KAZN: variants seen among roughly 807,000 people sequenced by gnomAD.
KAZN encodes the protein kazrin, periplakin interacting protein, also known as kazrin.
Under a neutral mutation model 87.4 loss-of-function variants are expected in KAZN, and 40 were observed. That is an observed-to-expected ratio of 0.46 (90% CI 0.36 to 0.60). The LOEUF (loss-of-function observed/expected upper bound fraction) is 0.60, where lower values mean the gene tolerates loss of function less well. KAZN is among the 20% of genes least tolerant of loss of function. The pLI is 0.00. For synonymous variants in KAZN, 466 were observed against 458.3 expected, an observed-to-expected ratio of 1.02 and a Z score of -0.22; for missense variants, 898 against 1,073.9, an observed-to-expected ratio of 0.84 and a Z score of 2.29.
At chr1:15,022,747 C>T (rs893373523) in intron 2 of KAZN, among the ~76,000 whole-genome samples, 1 of 152,240 alleles carries the variant, frequency 6.6e-6, no homozygotes, top group Non-Finnish European at 1.5e-5. Flanking sequence ...GGGCCACATT[C>T]GGTCAGTCAC....
At chr1:15,087,375 G>T (rs890972488) in intron 8 of KAZN, among the ~76,000 whole-genome samples, 16 of 148,208 alleles carry the variant, frequency 1.1e-4, no homozygotes, top group Non-Finnish European at 1.8e-4. Context: ...TCCAGTATGT[G>T]TTTTATGCTT....
chr1:14,514,595 TTATATATATATATA>T lies in KAZN; in HGVS notation c.250-84356_250-84343del, dbSNP rs754845099. On this transcript the variant is annotated intron_variant, in intron 2 of 16. Coordinates refer to the KAZN transcript ENST00000636203. ...TATATTTTATATATTTTTTTATATT[TTATATATATATATA>T]TATATATATATATATATATATATAT... Among the ~76,000 whole-genome samples, 261 of 66,520 alleles carry T rather than the reference TTATATATATATATA, an allele frequency of 3.9e-3. 10 individuals are homozygous for T. Among genetic ancestry groups the T allele is most frequent in the African/African-American group, 0.016 (226 of 13,800 alleles). 43.6% of individuals were successfully genotyped at this position (66,520 alleles called of 152,430 possible). A position where few individuals can be genotyped will look rare whatever the true frequency, so the allele number is the denominator to read the frequency against.
chr1:14,283,806 A>G (rs915664137), intron 2 of KAZN, among the ~76,000 whole-genome samples: 1 of 152,206 alleles, frequency 6.6e-6, no homozygotes. Flanking sequence ...CTGTATAAAA[A>G]TGTTTATAGC....
At chr1:14,112,371 C>T (rs779476133) in intron 1 of KAZN, among the ~76,000 whole-genome samples, 1 of 80,142 alleles carries the variant, frequency 1.2e-5, no homozygotes, top group South Asian at 4.2e-4. Context: ...TGAGGACAAA[C>T]CCACCACCGT....
chr1:14,853,606 C>T (rs537047026), intron 1 of KAZN, among the ~76,000 whole-genome samples: 46 of 152,252 alleles, frequency 3.0e-4, no homozygotes, highest in East Asian at 5.8e-4. Context: ...ACATTCCAGA[C>T]GGATGAAATA....
chr1:14,578,356 T>G (rs1557812275), intron 2 of KAZN, among the ~76,000 whole-genome samples: 1 of 152,144 alleles, frequency 6.6e-6, no homozygotes, highest in Non-Finnish European at 1.5e-5. Context: ...CCGTGATATT[T>G]CAGTCCCTTT....
intron 1 of KAZN, among the ~76,000 whole-genome samples, chr1:14,800,898 G>A (rs947225415): frequency 2.0e-5 from 3 of 152,046 alleles, no homozygotes; most frequent in African/African-American, 4.8e-5. Context: ...AGTGGGGAGT[G>A]ACTGCTCGTG....
intron 13 of KAZN, among the ~76,000 whole-genome samples, chr1:15,110,894 T>A (rs1557807673): frequency 6.6e-6 from 1 of 152,246 alleles, no homozygotes; most frequent in African/African-American, 2.4e-5. Flanking sequence ...CAGGCTTATT[T>A]GACTGCTAGT....
chr1:15,058,577 T>A (rs909509943), intron 5 of KAZN, among the ~76,000 whole-genome samples: 2 of 152,254 alleles, frequency 1.3e-5, no homozygotes, highest in Admixed American at 1.3e-4. Flanking sequence ...GCTTCTGGTC[T>A]GGACCTTCCA....
At chr1:14,281,785 G>A (rs954358154) in intron 2 of KAZN, among the ~76,000 whole-genome samples, 3 of 152,196 alleles carry the variant, frequency 2.0e-5, no homozygotes, top group Non-Finnish European at 4.4e-5. Context: ...GCTTCCTACT[G>A]TCACTTTGCT....
intron 1 of KAZN, among the ~76,000 whole-genome samples, chr1:14,775,129 T>G (rs1322765026): frequency 6.6e-6 from 1 of 152,228 alleles, no homozygotes; most frequent in Non-Finnish European, 1.5e-5. Context: ...TCACCTCGTT[T>G]GACCCTCAGC....
chr1:14,467,674 C>CAAAAAAA (rs36034022), intron 2 of KAZN, among the ~76,000 whole-genome samples: 8 of 77,336 alleles, frequency 1.0e-4, no homozygotes, highest in East Asian at 3.7e-4. Flanking sequence ...ATCCAAAAGG[C>CAAAAAAA]AAAAAAAAAA....
At chr1:14,460,041 A>C (rs1374384130) in intron 2 of KAZN, among the ~76,000 whole-genome samples, 2 of 152,200 alleles carry the variant, frequency 1.3e-5, no homozygotes, top group African/African-American at 2.4e-5. Context: ...CACCAGCTCC[A>C]ATCAATTAAT....
At chr1:14,644,141 A>G (rs1680625257) in intron 1 of KAZN, among the ~76,000 whole-genome samples, 1 of 149,826 alleles carries the variant, frequency 6.7e-6, no homozygotes, top group African/African-American at 2.5e-5. Flanking sequence ...CCTCCCAAGT[A>G]GCTGGGATTA....
chr1:14,959,008 C>T (rs1459784453), intron 1 of KAZN, among the ~76,000 whole-genome samples: 1 of 152,242 alleles, frequency 6.6e-6, no homozygotes, highest in Admixed American at 6.5e-5. Context: ...TTCCCGCCCT[C>T]CTGGGCCTTA....
At chr1:14,223,668 A>G (rs914429793) in intron 2 of KAZN, among the ~76,000 whole-genome samples, 5 of 152,244 alleles carry the variant, frequency 3.3e-5, no homozygotes, top group African/African-American at 1.2e-4. Flanking sequence ...GAAATCCTGC[A>G]TAAATTACAG....
chr1:15,112,597 T>G (rs1573329110), intron 14 of KAZN, 56 bp downstream of exon 14: 1 of 1,249,744 alleles, frequency 8.0e-7, no homozygotes. Context: ...AAGGTCTTTT[T>G]TTCTCCTCCC....
At chr1:14,792,989 A>AG in intron 1 of KAZN, among the ~76,000 whole-genome samples, 1 of 151,964 alleles carries the variant, frequency 6.6e-6, no homozygotes, top group African/African-American at 2.4e-5. Context: ...AAAAAAAAAA[A>AG]AACATTCAGG....
At chr1:14,498,616 C>T (rs1270344560) in intron 2 of KAZN, among the ~76,000 whole-genome samples, 1 of 152,064 alleles carries the variant, frequency 6.6e-6, no homozygotes, top group Non-Finnish European at 1.5e-5. Context: ...CACTTGAGCC[C>T]TGGAGGCGGA....
Sources: gnomAD v4.1 joint callset for allele counts (sites outside exome capture counted in the v4.1 genomes callset) on GRCh38, gnomAD v4.1.1 for gene constraint, MANE v1.5 for transcripts, NCBI Gene and HGNC (gene_info 2026-07-23, HGNC 2026-07-21) for gene names.